Variants in SPEN observed in about 807,000 individuals in gnomAD.
SPEN encodes msx2-interacting protein.
SPEN carries 18 observed loss-of-function variants against 269.9 expected under a neutral mutation model. The ratio of observed to expected loss-of-function variants is 0.07; its 90% CI spans 0.05 to 0.10. The LOEUF (loss-of-function observed/expected upper bound fraction) is 0.10. SPEN is among the 10% of genes least tolerant of loss of function. The pLI is 1.00. For missense variants in SPEN, 3,822 were observed against 4,631.2 expected (o/e 0.83, Z 5.07); for synonymous variants, 1,726 against 1,765.7 (o/e 0.98, Z 0.56).
At chr1:15,896,288 C>G (rs1206643036) in intron 3 of SPEN, among the ~76,000 whole-genome samples, 1 of 146,202 alleles carries the variant, frequency 6.8e-6, no homozygotes, top group African/African-American at 2.6e-5. Flanking sequence ...CTCCGCCTCC[C>G]AGATTCAAGC....
At chr1:15,906,970 G>A (rs1164483846) in intron 3 of SPEN, among the ~76,000 whole-genome samples, 1 of 151,388 alleles carries the variant, frequency 6.6e-6, no homozygotes, top group Non-Finnish European at 1.5e-5. Flanking sequence ...TAGGGGATGG[G>A]GTGTTGCTAT....
Position 15,933,983 on chromosome 1 carries a change from T to G in SPEN, c.7743T>G (p.Pro2581=). 1 of 1,613,672 alleles carries G rather than the reference T, an allele frequency of 6.2e-7. No homozygotes were observed. The highest frequency in any genetic ancestry group is 1.1e-5 in the South Asian group (1 of 91,076). The change falls in exon 11 of 15, where the codon CCT becomes CCG. Residue 2581 remains proline, a synonymous_variant. Coordinates refer to ENST00000375759, the MANE Select transcript of SPEN (RefSeq NM_015001.3). The surrounding 1 kb of genome is among the most constrained non-coding windows in gnomAD (Gnocchi z 5.7). The part of the protein sequence containing the change: ...APPPPVDSKK[P]LEEKTAPPVT... ...CCCCGCCAGTTGACTCTAAAAAGCC[T>G]TTAGAAGAAAAAACAGCACCTCCAG...
chr1:15,862,149 G>A (rs1451993200), intron 1 of SPEN, among the ~76,000 whole-genome samples: 3 of 152,140 alleles, frequency 2.0e-5, no homozygotes, highest in African/African-American at 7.2e-5. Context: ...TAGTCTCTTG[G>A]CTTCTGCTAA....
At chr1:15,870,119 C>G (rs2070558297) in intron 1 of SPEN, among the ~76,000 whole-genome samples, 1 of 152,066 alleles carries the variant, frequency 6.6e-6, no homozygotes, top group Non-Finnish European at 1.5e-5. Flanking sequence ...ATCCACCTGC[C>G]TCGGCCTCCC....
intron 3 of SPEN, among the ~76,000 whole-genome samples, chr1:15,905,809 G>A (rs950577330): frequency 2.0e-5 from 3 of 151,874 alleles, no homozygotes; most frequent in Non-Finnish European, 4.4e-5. Flanking sequence ...TCTTGACCTC[G>A]TGATCTGCCT....
At position 15,934,527 on chromosome 1, in the gene SPEN, G is replaced by T. The variant is rs1309047570; in HGVS notation, c.8287G>T (p.Ala2763Ser). Residue 2763 changes from alanine (A) to serine (S), a missense_variant, in exon 11 of 15, where the codon GCA (alanine) becomes TCA (serine). Physicochemically the swap from Ala to Ser is moderately conservative, Grantham distance 99. Around this residue, in one of 16 missense-constraint regions of SPEN, gnomAD observed 329 missense variants for 431.2 expected, o/e 0.76. Coordinates refer to ENST00000375759, the MANE Select transcript of SPEN (RefSeq NM_015001.3). The surrounding 1 kb of genome is among the most constrained non-coding windows in gnomAD (Gnocchi z 9.2). ...VTATTGTVTM[A>S]GAVIAPSTKC... ...GGCCACAACAGGCACGGTGACAATGGCAGGGGCAGTGATTGCGCCGTCAAC... is the reference window on the plus strand; with the variant it reads ...GGCCACAACAGGCACGGTGACAATGTCAGGGGCAGTGATTGCGCCGTCAAC... The T allele has an allele frequency of 4.3e-6, 7 of 1,613,980 alleles. No homozygotes were observed. Among genetic ancestry groups the T allele is most frequent in the African/African-American group, 1.3e-5 (1 of 74,942 alleles).
At chr1:15,936,340 A>T (rs1027565556) in intron 11 of SPEN, 74 bp downstream of exon 11, 4 of 1,466,034 alleles carry the variant, frequency 2.7e-6, no homozygotes, top group African/African-American at 2.8e-5. Flanking sequence ...TTAAGCCAAG[A>T]TGTGTGAAAG....
chr1:15,872,452 T>C (rs944929816), intron 1 of SPEN, among the ~76,000 whole-genome samples: 1 of 151,774 alleles, frequency 6.6e-6, no homozygotes. Flanking sequence ...TACAAAAAAT[T>C]AGCCTGTCGT....
Position 15,920,858 on chromosome 1 carries a change from T to G in SPEN, c.1636-12T>G. 1 of 1,556,946 alleles carries G rather than the reference T, an allele frequency of 6.4e-7. No homozygotes were observed. Among genetic ancestry groups the G allele is most frequent in the Non-Finnish European group, 8.7e-7 (1 of 1,144,574 alleles). Reference sequence around the variant, plus strand: ...GAGGCTCTTACTTGTTTTTTGTTTGTTTGTTTTACAGGTGGTGTTTGACCG... The same window carrying G: ...GAGGCTCTTACTTGTTTTTTGTTTGGTTGTTTTACAGGTGGTGTTTGACCG... On this transcript the variant is annotated splice_polypyrimidine_tract_variant and intron_variant, in intron 8 of 14. Coordinates refer to ENST00000375759, the MANE Select transcript of SPEN (RefSeq NM_015001.3).
At chr1:15,862,422 C>T (rs913956809) in intron 1 of SPEN, among the ~76,000 whole-genome samples, 1 of 152,064 alleles carries the variant, frequency 6.6e-6, no homozygotes, top group African/African-American at 2.4e-5. Context: ...TATATTCCTG[C>T]ACTTTACTTT....
chr1:15,873,749 T>G, intron 2 of SPEN: 1 of 1,006,754 alleles, frequency 9.9e-7, no homozygotes, highest in Non-Finnish European at 1.2e-6. Context: ...TCTGTATTGT[T>G]GGAATTACAC....
intron 1 of SPEN, among the ~76,000 whole-genome samples, chr1:15,853,019 A>G (rs904926279): frequency 1.3e-5 from 2 of 151,760 alleles, no homozygotes; most frequent in Admixed American, 6.6e-5. Context: ...ACCACACTCG[A>G]CTAATTTTTT....
Position 15,929,480 on chromosome 1 carries a change from C to T in SPEN, c.3240C>T (p.Pro1080=). Residue 1080 remains proline, a synonymous_variant, in exon 11 of 15, where the codon CCC becomes CCT. Transcript: ENST00000375759. This position sits in a 1 kb window ranked among gnomAD's most constrained non-coding sequence, Gnocchi z 5.8. ...ASISVGSGSR[P]SSDLQARLGE... ...TTTCTGTTGGGTCTGGCTCAAGGCC[C>T]AGCTCAGACCTACAAGCAAGACTGG... 2.5e-6 allele frequency: 4 copies of T among 1,612,982 alleles called. No individual in the cohort carries two copies. The highest frequency in any genetic ancestry group is 3.4e-6 in the Non-Finnish European group (4 of 1,179,608).
chr1:15,849,945 T>C (rs1295044598), intron 1 of SPEN, among the ~76,000 whole-genome samples: 9 of 152,318 alleles, frequency 5.9e-5, no homozygotes, highest in Admixed American at 4.6e-4. Context: ...CTCAGTGTTA[T>C]GTGCCTAGAC....
intron 11 of SPEN, 75 bp downstream of exon 11, chr1:15,936,341 T>C: frequency 6.8e-7 from 1 of 1,464,540 alleles, no homozygotes; most frequent in Non-Finnish European, 9.0e-7. Context: ...TAAGCCAAGA[T>C]GTGTGAAAGA....
Position 15,930,651 on chromosome 1 carries a change from T to G in SPEN, c.4411T>G (p.Phe1471Val), listed in dbSNP as rs2148739473. The stretch of plus-strand genomic sequence containing the variant: ...GTCTTTTCTTGATTGGGACTCCCGA[T>G]TTGCAAATTTTCGAAACAACAAAGA... ...NWSFLDWDSR[F>V]ANFRNNKDKE... is the part of the protein sequence containing the mutation. The change falls in exon 11 of 15, where the codon TTT (phenylalanine) becomes GTT (valine). Residue 1471 changes from phenylalanine (F) to valine (V), a missense_variant. Around this residue, in one of 16 missense-constraint regions of SPEN, gnomAD observed 267 missense variants for 315.5 expected, o/e 0.85. Coordinates refer to ENST00000375759, the MANE Select transcript of SPEN (RefSeq NM_015001.3). This position sits in a 1 kb window ranked among gnomAD's most constrained non-coding sequence, Gnocchi z 5.3. 6.2e-7 allele frequency: 1 copy of G among 1,614,120 alleles called. No homozygotes were observed. Among genetic ancestry groups the G allele is most frequent in the African/African-American group, 1.3e-5 (1 of 75,016 alleles).
rs753874846 is a variant in SPEN at position 15,935,473 on chromosome 1, T to G, written c.9233T>G (p.Ile3078Ser). ...ISSIHPEQSV[I>S]MPPHSITQTV... ...AGCATCCACCCAGAGCAGTCTGTCA[T>G]CATGCCACCCCACAGCATCACCCAG... The change falls in exon 11 of 15, where the codon ATC becomes AGC. Residue 3078 changes from isoleucine (I) to serine (S), a missense_variant. Physicochemically the swap from Ile to Ser is moderately radical, Grantham distance 142 (BLOSUM62 -2). Around this residue, in one of 16 missense-constraint regions of SPEN, gnomAD observed 153 missense variants for 228.5 expected, o/e 0.67. Coordinates refer to ENST00000375759, the MANE Select transcript of SPEN (RefSeq NM_015001.3). The surrounding 1 kb of genome is among the most constrained non-coding windows in gnomAD (Gnocchi z 7.7). 2 of 1,614,042 alleles carry G rather than the reference T, an allele frequency of 1.2e-6. No homozygotes were observed. Among genetic ancestry groups the G allele is most frequent in the Non-Finnish European group, 1.7e-6 (2 of 1,180,004 alleles).
chr1:15,885,260 C>A (rs545417832), intron 3 of SPEN, among the ~76,000 whole-genome samples: 36 of 152,086 alleles, frequency 2.4e-4, no homozygotes, highest in Non-Finnish European at 4.4e-4. Context: ...TGAGCCACCA[C>A]GCCCAGCCCA....
rs1371686764 is a variant in SPEN, at chr1:15,937,093, C to G, written c.10027-70C>G. ...ATCCTTTCCCTGTGGCCCTTTGGGT[C>G]ATTTGTTGGTCTCAGGGGCTTGTGC... On this transcript the variant is annotated intron_variant, in intron 11 of 14. Coordinates refer to ENST00000375759, the MANE Select transcript of SPEN (RefSeq NM_015001.3). The surrounding 1 kb of genome is among the most constrained non-coding windows in gnomAD (Gnocchi z 5.7). 2 of 1,544,960 alleles carry G rather than the reference C, an allele frequency of 1.3e-6. No homozygotes were observed. The highest frequency in any genetic ancestry group is 1.4e-5 in the African/African-American group (1 of 73,174).
Sources: allele counts gnomAD v4.1 joint callset (sites outside exome capture counted in the v4.1 genomes callset), GRCh38; gene constraint gnomAD v4.1.1; regional missense constraint gnomAD v4.1.1; non-coding constraint Gnocchi (gnomAD v3.1); transcripts MANE v1.5; gene names NCBI Gene and HGNC (gene_info 2026-07-23, HGNC 2026-07-21).